PTPRN2: variants seen among roughly 807,000 people sequenced by gnomAD.
PTPRN2 encodes the protein protein tyrosine phosphatase receptor type N2.
PTPRN2 carries 74 observed loss-of-function variants against 118.8 expected under a neutral mutation model. The ratio of observed to expected loss-of-function variants is 0.62; its 90% CI spans 0.52 to 0.76. The LOEUF is 0.76. PTPRN2 is among the 30% of genes least tolerant of loss of function. The pLI, the probability that PTPRN2 is intolerant of heterozygous loss-of-function variation, is 0.00. For missense variants in PTPRN2, 1,481 were observed against 1,394.4 expected (o/e 1.06, Z -0.99); for synonymous variants, 641 against 608.0 (o/e 1.05, Z -0.80).
chr7:158,472,746 G>C (rs1819957414), intron 2 of PTPRN2, among the ~76,000 whole-genome samples: 1 of 152,232 alleles, frequency 6.6e-6, no homozygotes, highest in African/African-American at 2.4e-5. Context: ...TCCCAAGAAT[G>C]ATTAGACGGC....
chr7:158,231,440 A>T (rs980194434), intron 3 of PTPRN2, among the ~76,000 whole-genome samples: 3 of 152,224 alleles, frequency 2.0e-5, no homozygotes, highest in African/African-American at 7.2e-5. Flanking sequence ...ATAAATATAT[A>T]TGCACCCAAC....
chr7:157,772,544 G>T (rs1022670132), intron 12 of PTPRN2, among the ~76,000 whole-genome samples: 7 of 152,216 alleles, frequency 4.6e-5, no homozygotes, highest in African/African-American at 1.7e-4. Context: ...TCCAGGTGCA[G>T]CTCCTGCTCC....
intron 6 of PTPRN2, among the ~76,000 whole-genome samples, chr7:158,155,759 A>C (rs1821754948): frequency 6.9e-6 from 1 of 145,712 alleles, no homozygotes; most frequent in Admixed American, 7.0e-5. Context: ...CATCACCATC[A>C]TCATCACCAT....
intron 3 of PTPRN2, among the ~76,000 whole-genome samples, chr7:158,304,967 T>C (rs149787950): frequency 1.3e-5 from 2 of 152,210 alleles, no homozygotes; most frequent in African/African-American, 4.8e-5. Flanking sequence ...CAGAAATATA[T>C]TTTGGGGTAA....
chr7:158,254,223 C>T (rs1426776816), intron 3 of PTPRN2, among the ~76,000 whole-genome samples: 1 of 48,128 alleles, frequency 2.1e-5, no homozygotes, highest in Non-Finnish European at 4.3e-5. Flanking sequence ...CCCATCTCCA[C>T]GTTCAGGAGC....
chr7:158,437,847 C>G (rs928683367), intron 2 of PTPRN2, among the ~76,000 whole-genome samples: 8 of 152,200 alleles, frequency 5.3e-5, no homozygotes, highest in African/African-American at 1.9e-4. Context: ...GCCTCTGTAC[C>G]TACTTTCTCT....
At chr7:157,788,474 G>C (rs904759929) in intron 12 of PTPRN2, among the ~76,000 whole-genome samples, 4 of 152,092 alleles carry the variant, frequency 2.6e-5, no homozygotes, top group African/African-American at 9.7e-5. Context: ...CAACCAACGT[G>C]ACCAGAACCC....
chr7:158,103,161 C>T (rs962896715), intron 10 of PTPRN2, among the ~76,000 whole-genome samples: 2 of 152,218 alleles, frequency 1.3e-5, no homozygotes, highest in Admixed American at 6.5e-5. Context: ...CCACTTACCA[C>T]CTGTGGCCTC....
chr7:158,137,608 G>T (rs879524550), intron 7 of PTPRN2, among the ~76,000 whole-genome samples: 1 of 151,968 alleles, frequency 6.6e-6, no homozygotes, highest in African/African-American at 2.4e-5. Context: ...AGGCCCTCCC[G>T]GGGTGCAGTT....
intron 10 of PTPRN2, among the ~76,000 whole-genome samples, chr7:158,102,696 C>A (rs1261175937): frequency 1.3e-5 from 2 of 152,034 alleles, no homozygotes; most frequent in Non-Finnish European, 2.9e-5. Context: ...AGGGATGAGG[C>A]CTTTGTTGTT....
intron 11 of PTPRN2, among the ~76,000 whole-genome samples, chr7:157,933,432 T>C (rs1481940990): frequency 3.5e-5 from 5 of 141,276 alleles, no homozygotes; most frequent in Non-Finnish European, 7.6e-5. Flanking sequence ...GTCACTCTGA[T>C]TGACAGTTTT....
chr7:158,177,599 A>AGTTTG (rs1370152920), intron 5 of PTPRN2, among the ~76,000 whole-genome samples: 1 of 152,126 alleles, frequency 6.6e-6, no homozygotes, highest in African/African-American at 2.4e-5. Context: ...CTTATAACCC[A>AGTTTG]GTTTGCATTT....
In PTPRN2 at chr7:157,763,571, A is replaced by T. The variant is rs1019731668; in HGVS notation, c.1789-80634T>A. Among the ~76,000 whole-genome samples the T allele has an allele frequency of 1.9e-4, 29 of 152,184 alleles. No individual in the cohort carries two copies. The highest frequency in any genetic ancestry group is 1.5e-3 in the Admixed American group (23 of 15,278). ...CCACCTCCTTTTCAGAGTTGGGAGC[A>T]GCTGCCCCCCTGGCCATGGGGGAAG... is the stretch of plus-strand genomic sequence containing the variant. On this transcript the variant is annotated intron_variant, in intron 12 of 22. Transcript: ENST00000389418. The surrounding 1 kb of genome is among the most constrained non-coding windows in gnomAD (Gnocchi z 4.9).
Position 158,269,859 on chromosome 7 carries a change from CAG to C in PTPRN2, c.277+46958_277+46959del, listed in dbSNP as rs535282159. ...GGATAGGGAGTCGGAGACACAGAGA[CAG>C]AGAGAGACAGAAAGAGACAGAGAGA... On this transcript the variant is annotated intron_variant, in intron 3 of 22. Transcript: ENST00000389418. 3.8e-3 allele frequency among the ~76,000 whole-genome samples: 577 copies of C among 151,406 alleles called. 7 individuals carry two copies. Among genetic ancestry groups the C allele is most frequent in the African/African-American group, 0.013 (535 of 41,130 alleles).
At chr7:158,265,231 C>T (rs902790562) in intron 3 of PTPRN2, among the ~76,000 whole-genome samples, 1 of 152,200 alleles carries the variant, frequency 6.6e-6, no homozygotes, top group Non-Finnish European at 1.5e-5. Context: ...ATCCACTATG[C>T]TCCTGGTGCT....
chr7:157,971,617 T>C (rs1802338763), intron 11 of PTPRN2, among the ~76,000 whole-genome samples: 2 of 152,140 alleles, frequency 1.3e-5, no homozygotes. Flanking sequence ...ACTGCCACCC[T>C]GTTTTACGAT....
chr7:158,013,056 T>C (rs1464802397), intron 11 of PTPRN2, among the ~76,000 whole-genome samples: 4 of 152,214 alleles, frequency 2.6e-5, no homozygotes, highest in African/African-American at 9.6e-5. Flanking sequence ...ACTTCCATGT[T>C]TGTCCTCTCA....
Position 157,780,973 on chromosome 7 carries a change from C to A in PTPRN2, c.1789-98036G>T, listed in dbSNP as rs1443195225. Among the ~76,000 whole-genome samples, 1 of 152,228 alleles carries A rather than the reference C, an allele frequency of 6.6e-6. No homozygotes were observed. Among genetic ancestry groups the A allele is most frequent in the Admixed American group, 6.5e-5 (1 of 15,286 alleles). On this transcript the variant is annotated intron_variant, in intron 12 of 22. Coordinates refer to ENST00000389418, the MANE Select transcript of PTPRN2 (RefSeq NM_002847.5). This position sits in a 1 kb window ranked among gnomAD's most constrained non-coding sequence, Gnocchi z 4.5. ...CTGAGCCAGGCAGCTCCAGGCCAAA[C>A]CTTCTCTGGCCTCCTGCCGCTCACG...
At chr7:157,809,374 C>T (rs914640858) in intron 12 of PTPRN2, among the ~76,000 whole-genome samples, 3 of 152,084 alleles carry the variant, frequency 2.0e-5, no homozygotes, top group African/African-American at 7.3e-5. Context: ...CTGGAGGGGG[C>T]TCAGCCCTGA....
Sources: gnomAD v4.1 joint callset for allele counts (sites outside exome capture counted in the v4.1 genomes callset) on GRCh38, gnomAD v4.1.1 for gene constraint, Gnocchi (gnomAD v3.1) non-coding constraint, MANE v1.5 for transcripts, NCBI Gene and HGNC (gene_info 2026-07-23, HGNC 2026-07-21) for gene names.